TPD52: variants seen among roughly 807,000 people sequenced by gnomAD.
TPD52 encodes the protein tumor protein D52, also known as prostate and colon associated protein.
TPD52 carries 17 observed loss-of-function variants against 31.3 expected under a neutral mutation model. That is an observed-to-expected ratio of 0.54 (90% confidence interval 0.37 to 0.82). The LOEUF (loss-of-function observed/expected upper bound fraction) is 0.82, where lower values mean the gene tolerates loss of function less well. Among genes scored for constraint, TPD52 ranks in the 40% least tolerant of loss-of-function variants. The pLI, the probability that TPD52 is intolerant of heterozygous loss-of-function variation, is 0.00. For synonymous variants in TPD52, 83 were observed against 89.6 expected, an observed-to-expected ratio of 0.93 and a Z score of 0.42; for missense variants, 212 against 240.1, an observed-to-expected ratio of 0.88 and a Z score of 0.77.
chr8:80,041,743 T>C (rs543616201), intron 7 of TPD52, among the ~76,000 whole-genome samples: 2 of 123,798 alleles, frequency 1.6e-5, no homozygotes, highest in South Asian at 4.4e-4. Flanking sequence ...CATGGCATCA[T>C]TATAATAAAA....
At chr8:80,112,755 A>G (rs79768870) in intron 1 of TPD52, among the ~76,000 whole-genome samples, 15 of 151,814 alleles carry the variant, frequency 9.9e-5, no homozygotes, top group African/African-American at 2.9e-4. Flanking sequence ...CAACCCCCCA[A>G]CCCATTCAAC....
At chr8:80,162,000 A>T (rs1203092631) in intron 1 of TPD52, among the ~76,000 whole-genome samples, 1 of 152,152 alleles carries the variant, frequency 6.6e-6, no homozygotes, top group Non-Finnish European at 1.5e-5. Flanking sequence ...AAGTGCTGGG[A>T]TTACAAGTGT....
At chr8:80,072,196 T>A (rs1184376360) in intron 1 of TPD52, among the ~76,000 whole-genome samples, 1 of 152,090 alleles carries the variant, frequency 6.6e-6, no homozygotes, top group East Asian at 1.9e-4. Flanking sequence ...TAGTCCCAAC[T>A]ACTCATGAGG....
At chr8:80,039,506 T>C (rs1190408299) in intron 7 of TPD52, among the ~76,000 whole-genome samples, 1 of 152,148 alleles carries the variant, frequency 6.6e-6, no homozygotes, top group African/African-American at 2.4e-5. Flanking sequence ...TCCATCATCT[T>C]TGGCTTGGAG....
intron 1 of TPD52, among the ~76,000 whole-genome samples, chr8:80,089,456 G>A (rs1816083158): frequency 6.6e-6 from 1 of 152,146 alleles, no homozygotes; most frequent in Non-Finnish European, 1.5e-5. Context: ...GACTTCTGGA[G>A]TAAATGGCCA....
At chr8:80,064,305 G>A (rs952793441) in intron 2 of TPD52, among the ~76,000 whole-genome samples, 173 bp downstream of exon 2, 3 of 151,878 alleles carry the variant, frequency 2.0e-5, no homozygotes, top group East Asian at 1.9e-4. Context: ...AAAACGAACC[G>A]ATGTCACCCT....
At chr8:80,064,369 T>C (rs1423784496) in intron 2 of TPD52, 109 bp downstream of exon 2, 8 of 884,604 alleles carry the variant, frequency 9.0e-6, no homozygotes, top group Non-Finnish European at 1.8e-6. Context: ...ACACATATGC[T>C]TTCTCTCCCC....
At chr8:80,064,214 C>G (rs994210308) in intron 2 of TPD52, among the ~76,000 whole-genome samples, 1 of 152,048 alleles carries the variant, frequency 6.6e-6, no homozygotes, top group African/African-American at 2.4e-5. Flanking sequence ...AAGACATTCA[C>G]TACTACTCCT....
chr8:80,131,076 G>A (rs1463483578), intron 1 of TPD52, among the ~76,000 whole-genome samples: 4 of 152,146 alleles, frequency 2.6e-5, no homozygotes, highest in Non-Finnish European at 5.9e-5. Context: ...AGCTTCAGGA[G>A]TCAGTGACTG....
chr8:80,149,190 G>A (rs1810406299), intron 1 of TPD52, among the ~76,000 whole-genome samples: 3 of 152,158 alleles, frequency 2.0e-5, no homozygotes. Flanking sequence ...GGGACCCAGT[G>A]GGAGGTAATT....
chr8:80,070,065 T>C (rs897506849), intron 1 of TPD52, among the ~76,000 whole-genome samples: 1 of 152,212 alleles, frequency 6.6e-6, no homozygotes, highest in Non-Finnish European at 1.5e-5. Flanking sequence ...TTCCCATGCA[T>C]AACCACCCAT....
chr8:80,098,730 C>G (rs1053995611), intron 1 of TPD52, among the ~76,000 whole-genome samples: 2 of 152,230 alleles, frequency 1.3e-5, no homozygotes, highest in Admixed American at 1.3e-4. Context: ...GTTGATAAAG[C>G]AGCAGCAGGG....
chr8:80,139,216 C>A (rs1027543691), intron 1 of TPD52, among the ~76,000 whole-genome samples: 3 of 152,136 alleles, frequency 2.0e-5, no homozygotes, highest in Non-Finnish European at 4.4e-5. Flanking sequence ...TTTACAGTAA[C>A]AATTAGGACA....
In TPD52 at chr8:80,081,154, CTCTTTT is replaced by C. The variant is rs1563610168; in HGVS notation, c.20-16567_20-16562del. Among the ~76,000 whole-genome samples the C allele has an allele frequency of 2.0e-3, 280 of 141,130 alleles. 2 individuals carry two copies. Among genetic ancestry groups the C allele is most frequent in the African/African-American group, 7.1e-3 (271 of 38,336 alleles). The allele number at this position is 141,130 out of a possible 152,430, so 92.6% of individuals were successfully genotyped here. A position where few individuals can be genotyped will look rare whatever the true frequency, so the allele number is the denominator to read the frequency against. On this transcript the variant is annotated intron_variant, in intron 1 of 7. Coordinates refer to ENST00000518937, the MANE Select transcript of TPD52 (RefSeq NM_001025253.3). ...CTTCAGACTGACTTTTCTTTTCTCT[CTCTTTT>C]TTTTTTTTTTTTTTTTTTTAGAAAG...
intron 1 of TPD52, among the ~76,000 whole-genome samples, chr8:80,168,071 T>A (rs936795228): frequency 6.6e-6 from 1 of 152,246 alleles, no homozygotes; most frequent in Non-Finnish European, 1.5e-5. Flanking sequence ...TTGGAAACTC[T>A]TGAAAGGCAT....
At chr8:80,055,850 C>CT (rs1811818485) in intron 2 of TPD52, among the ~76,000 whole-genome samples, 1 of 152,180 alleles carries the variant, frequency 6.6e-6, no homozygotes, top group Admixed American at 6.5e-5. Flanking sequence ...CACCTCACAC[C>CT]TGTTATTATG....
chr8:80,067,275 A>G (rs1813261931), intron 1 of TPD52: 1 of 152,210 alleles, frequency 6.6e-6, no homozygotes, highest in African/African-American at 2.4e-5. Flanking sequence ...CATCTAAGAA[A>G]GTTGGTAATG....
chr8:80,089,139 C>T (rs894342547), intron 1 of TPD52, among the ~76,000 whole-genome samples: 4 of 152,126 alleles, frequency 2.6e-5, no homozygotes, highest in African/African-American at 4.8e-5. Context: ...ATTGTTATTG[C>T]GGCCCAAACC....
rs547753945 is a variant in TPD52, at chr8:80,148,353, G to C, written c.19+23072C>G. Reference sequence around the variant, plus strand: ...GTGTGTGTGTGTGTGTGTACAGAGAGAATCTTCCTATGTGGCCCAGGCTGG... The same window carrying C: ...GTGTGTGTGTGTGTGTGTACAGAGACAATCTTCCTATGTGGCCCAGGCTGG... On this transcript the variant is annotated intron_variant, in intron 1 of 7. Transcript: ENST00000518937. Among the ~76,000 whole-genome samples the C allele has an allele frequency of 2.0e-4, 18 of 91,824 alleles. No individual in the cohort carries two copies. The East Asian group carries it at 7.3e-3, about 37-fold the overall frequency. The allele number at this position is 91,824 out of a possible 152,430, so 60.2% of individuals were successfully genotyped here.
Sources: gnomAD v4.1 joint callset for allele counts (sites outside exome capture counted in the v4.1 genomes callset) on GRCh38, gnomAD v4.1.1 for gene constraint, MANE v1.5 for transcripts, NCBI Gene and HGNC (gene_info 2026-07-23, HGNC 2026-07-21) for gene names.